Variants in RSPO4 observed in about 807,000 individuals in gnomAD.
RSPO4 encodes R-spondin-4.
A neutral mutation model predicts 24.8 loss-of-function variants in RSPO4; 23 were observed. The ratio of observed to expected loss-of-function variants is 0.93; its 90% CI spans 0.67 to 1.31. The LOEUF is 1.31. Ranked by LOEUF, RSPO4 falls within the 40% of genes most tolerant of loss-of-function variation. The pLI, the probability that RSPO4 is intolerant of heterozygous loss-of-function variation, is 0.00. For synonymous variants in RSPO4, 141 were observed against 127.4 expected (o/e 1.11, Z -0.72); for missense variants, 333 against 316.5 (o/e 1.05, Z -0.39).
At chr20:991,059 TC>T (rs1985085234) in intron 1 of RSPO4, among the ~76,000 whole-genome samples, 1 of 152,096 alleles carries the variant, frequency 6.6e-6, no homozygotes, top group Admixed American at 6.5e-5. Flanking sequence ...GGAAGGGTGG[TC>T]CAATGTTGAG....
chr20:967,356 A>C, intron 2 of RSPO4, 42 bp from the exon 3 acceptor site: 1 of 1,610,758 alleles, frequency 6.2e-7, no homozygotes, highest in Non-Finnish European at 8.5e-7. Context: ...GGAGACTGCC[A>C]AGGATGGGGC....
intron 1 of RSPO4, among the ~76,000 whole-genome samples, chr20:977,895 G>A (rs957947143): frequency 2.5e-4 from 38 of 151,884 alleles, no homozygotes; most frequent in Admixed American, 3.3e-4. Context: ...GCATGTCACC[G>A]ATGACCAAGG....
At chr20:964,238 C>A in intron 3 of RSPO4, 118 bp from the exon 4 acceptor site, 1 of 722,132 alleles carries the variant, frequency 1.4e-6, no homozygotes, top group African/African-American at 1.8e-5. Flanking sequence ...GAAGACACCA[C>A]TTCCACCTGC....
intron 1 of RSPO4, among the ~76,000 whole-genome samples, chr20:976,093 T>C (rs962410353): frequency 1.3e-5 from 2 of 152,182 alleles, no homozygotes; most frequent in Non-Finnish European, 2.9e-5. Context: ...GGCCTCAGTT[T>C]CCCCATCTGA....
chr20:982,283 C>G (rs180898543), intron 1 of RSPO4, among the ~76,000 whole-genome samples: 166 of 152,212 alleles, frequency 1.1e-3, no homozygotes, highest in African/African-American at 3.8e-3. Flanking sequence ...CCAATCTGTC[C>G]GTGGAGTTGT....
intron 1 of RSPO4, among the ~76,000 whole-genome samples, chr20:976,921 A>G (rs894536470): frequency 6.6e-6 from 1 of 152,222 alleles, no homozygotes; most frequent in Non-Finnish European, 1.5e-5. Flanking sequence ...ATCTACCAAC[A>G]CTGGGTCTGC....
chr20:968,109 C>T lies in RSPO4; in HGVS notation c.109G>A (p.Gly37Ser). ...VGTGLGGNCT[G>S]CIICSEENGC... ...TTCTCCTCTGAGCAGATGATACAGCCTGTGCAGTTGCCCCCCAGGCCAGTG... is the reference window on the plus strand; with the variant it reads ...TTCTCCTCTGAGCAGATGATACAGCTTGTGCAGTTGCCCCCCAGGCCAGTG... The change falls in exon 2 of 5, where the codon GGC becomes AGC. Residue 37 changes from glycine (G) to serine (S), a missense_variant. Gly to Ser is a moderately conservative substitution (Grantham distance 56). Coordinates refer to ENST00000217260, the MANE Select transcript of RSPO4 (RefSeq NM_001029871.4). 1 of 1,614,206 alleles carries T rather than the reference C, an allele frequency of 6.2e-7. No homozygotes were observed. Among genetic ancestry groups the T allele is most frequent in the Non-Finnish European group, 8.5e-7 (1 of 1,180,046 alleles).
At chr20:983,814 C>A (rs562021144) in intron 1 of RSPO4, among the ~76,000 whole-genome samples, 1 of 152,116 alleles carries the variant, frequency 6.6e-6, no homozygotes, top group East Asian at 1.9e-4. Context: ...CAGACTGCCT[C>A]AACAATCCTG....
chr20:980,354 T>C (rs1984697339), intron 1 of RSPO4, among the ~76,000 whole-genome samples: 1 of 152,110 alleles, frequency 6.6e-6, no homozygotes, highest in Admixed American at 6.5e-5. Flanking sequence ...TGAGGCCTTC[T>C]TCGGTGTCCG....
intron 2 of RSPO4, 127 bp downstream of exon 2, chr20:967,823 A>C (rs375367862): frequency 7.3e-6 from 7 of 962,848 alleles, no homozygotes; most frequent in Admixed American, 5.2e-5. Flanking sequence ...ACAGGCAGGT[A>C]TCTCAGAGTC....
chr20:969,304 T>C (rs941084633), intron 1 of RSPO4, among the ~76,000 whole-genome samples: 1 of 152,172 alleles, frequency 6.6e-6, no homozygotes, highest in African/African-American at 2.4e-5. Context: ...AGTGAAGCCA[T>C]GTTTCCAATA....
chr20:973,630 G>A (rs1263535072), intron 1 of RSPO4, among the ~76,000 whole-genome samples: 4 of 151,998 alleles, frequency 2.6e-5, no homozygotes, highest in Non-Finnish European at 5.9e-5. Context: ...CCCCCACCAA[G>A]CCTAGCTAAA....
chr20:986,747 C>T (rs1239961593), intron 1 of RSPO4, among the ~76,000 whole-genome samples: 1 of 151,724 alleles, frequency 6.6e-6, no homozygotes, highest in East Asian at 1.9e-4. Context: ...ACAAAGTAAG[C>T]CAAGAATATC....
At chr20:987,631 A>T (rs1984961984) in intron 1 of RSPO4, among the ~76,000 whole-genome samples, 2 of 148,690 alleles carry the variant, frequency 1.3e-5, no homozygotes, top group African/African-American at 2.5e-5. Flanking sequence ...TATGAAAATA[A>T]AAAAAAAAAA....
chr20:983,468 G>T (rs2122243679), intron 1 of RSPO4, among the ~76,000 whole-genome samples: 1 of 152,324 alleles, frequency 6.6e-6, no homozygotes, highest in Non-Finnish European at 1.5e-5. Flanking sequence ...AGCATCTTGA[G>T]CTGTCTTTTT....
At chr20:966,831 G>A (rs1984216228) in intron 3 of RSPO4, among the ~76,000 whole-genome samples, 2 of 152,242 alleles carry the variant, frequency 1.3e-5, no homozygotes, top group African/African-American at 2.4e-5. Flanking sequence ...CTCCAGCTGG[G>A]CAACAGAGTG....
intron 1 of RSPO4, among the ~76,000 whole-genome samples, chr20:993,908 G>A (rs1224444248): frequency 6.6e-6 from 1 of 152,206 alleles, no homozygotes; most frequent in Non-Finnish European, 1.5e-5. Flanking sequence ...AGTAGTTAGA[G>A]CTGGGCTCTG....
intron 1 of RSPO4, among the ~76,000 whole-genome samples, chr20:984,922 C>G (rs1600097651): frequency 1.7e-5 from 2 of 115,888 alleles, no homozygotes; most frequent in Admixed American, 1.7e-4. Flanking sequence ...TCCATCCATC[C>G]CCATCCATCC....
At chr20:967,500 C>T (rs1568909099) in intron 2 of RSPO4, among the ~76,000 whole-genome samples, 186 bp from the exon 3 acceptor site, 1 of 152,214 alleles carries the variant, frequency 6.6e-6, no homozygotes, top group Non-Finnish European at 1.5e-5. Context: ...AGAGAACACT[C>T]CCTTTCTCAT....
Sources: gnomAD v4.1 joint callset for allele counts (sites outside exome capture counted in the v4.1 genomes callset) on GRCh38, gnomAD v4.1.1 for gene constraint, MANE v1.5 for transcripts, NCBI Gene and HGNC (gene_info 2026-07-23, HGNC 2026-07-21) for gene names.